SLC6A16: variants seen among roughly 807,000 people sequenced by gnomAD.
SLC6A16 encodes the protein orphan sodium- and chloride-dependent neurotransmitter transporter NTT5.
A neutral mutation model predicts 65.4 loss-of-function variants in SLC6A16; 54 were observed. The observed-to-expected ratio is 0.83, with a 90% CI of 0.66 to 1.04. SLC6A16 has a LOEUF of 1.04. Among genes scored for constraint, SLC6A16 ranks in the 50% least tolerant of loss-of-function variants. The pLI is 0.00. For synonymous variants in SLC6A16, 330 were observed against 346.5 expected, an observed-to-expected ratio of 0.95 and a Z score of 0.53; for missense variants, 816 against 914.0, an observed-to-expected ratio of 0.89 and a Z score of 1.38.
the SLC6A16 span, chr19:49,338,853 C>T: frequency 6.2e-7 from 1 of 1,614,172 alleles, no homozygotes; most frequent in Non-Finnish European, 8.5e-7. The surrounding 1 kb of genome is among the most constrained non-coding windows in gnomAD (Gnocchi z 5.0). Flanking sequence ...CTTGCCCCAG[C>T]TCAGCAGGCT....
chr19:49,311,704 C>T (rs1187732467), intron 1 of SLC6A16, among the ~76,000 whole-genome samples: 2 of 151,432 alleles, frequency 1.3e-5, no homozygotes, highest in African/African-American at 4.8e-5. Context: ...CAAAAATTAG[C>T]TGTGTATAGT....
chr19:49,328,842 T>C (rs1250605927), upstream of SLC6A16, among the ~76,000 whole-genome samples: 1 of 152,158 alleles, frequency 6.6e-6, no homozygotes, highest in Non-Finnish European at 1.5e-5. Flanking sequence ...CCAGTCACCA[T>C]ACGGTGAGGA....
the SLC6A16 span, chr19:49,340,064 T>G: frequency 7.9e-6 from 12 of 1,516,038 alleles, no homozygotes; most frequent in Non-Finnish European, 1.1e-5. Context: ...GTAGCAGCTA[T>G]TCCCGCCTCA....
chr19:49,331,869 C>T, the SLC6A16 span: 1 of 455,934 alleles, frequency 2.2e-6, no homozygotes, highest in Non-Finnish European at 4.4e-6. Context: ...AGCATCAAAG[C>T]TGCAGTGAGC....
intron 7 of SLC6A16, among the ~76,000 whole-genome samples, chr19:49,308,114 T>C (rs1040152642): frequency 8.6e-5 from 13 of 150,508 alleles, no homozygotes; most frequent in South Asian, 4.3e-4. Flanking sequence ...CCTTTTGGAG[T>C]TTCTGCTAGA....
chr19:49,300,753 G>A (rs2146095326), intron 7 of SLC6A16, among the ~76,000 whole-genome samples: 1 of 152,210 alleles, frequency 6.6e-6, no homozygotes, highest in East Asian at 1.9e-4. Context: ...AACTATCCTT[G>A]AACAACAATT....
Position 49,309,126 on chromosome 19 carries a change from G to A in SLC6A16, c.988-9C>T, listed in dbSNP as rs549532104. 3 of 1,613,736 alleles carry A rather than the reference G, an allele frequency of 1.9e-6. No individual in the cohort carries two copies. In the South Asian group the frequency reaches 3.3e-5, roughly 18 times the overall value. ...TTGTACACATCCGATATCTAAAAGA[G>A]AGAAGACAAGCATAAGGGGGTTGTA... On this transcript the variant is annotated splice_polypyrimidine_tract_variant and intron_variant, in intron 6 of 11. Coordinates refer to ENST00000335875, the MANE Select transcript of SLC6A16 (RefSeq NM_014037.3).
chr19:49,294,106 A>G (rs1970136592), intron 8 of SLC6A16, 78 bp from the exon 9 acceptor site: 5 of 1,271,012 alleles, frequency 3.9e-6, no homozygotes, highest in Non-Finnish European at 5.5e-6. Flanking sequence ...TATACATTCT[A>G]TCTTCCCTGG....
chr19:49,335,073 G>C, the SLC6A16 span: 2 of 161,356 alleles, frequency 1.2e-5, no homozygotes, highest in Non-Finnish European at 2.7e-5. This position sits in a 1 kb window ranked among gnomAD's most constrained non-coding sequence, Gnocchi z 4.6. Flanking sequence ...CAGGAAATGG[G>C]AGACACAGCT....
the SLC6A16 span, chr19:49,339,946 G>A: frequency 1.5e-5 from 21 of 1,392,774 alleles, no homozygotes; most frequent in African/African-American, 2.9e-4. This position sits in a 1 kb window ranked among gnomAD's most constrained non-coding sequence, Gnocchi z 4.5. Flanking sequence ...AGAATTAGAG[G>A]AGGCACAATT....
chr19:49,299,602 GA>G (rs770862202), intron 7 of SLC6A16, among the ~76,000 whole-genome samples: 5,268 of 115,236 alleles, frequency 0.046, 281 homozygotes, highest in African/African-American at 0.14. Flanking sequence ...AATGTGCTAG[GA>G]AAAAAAAAAA....
chr19:49,339,257 C>G, the SLC6A16 span: 7,241 of 1,371,194 alleles, frequency 5.3e-3, 153 homozygotes, highest in African/African-American at 0.057. The surrounding 1 kb of genome is among the most constrained non-coding windows in gnomAD (Gnocchi z 4.5). Flanking sequence ...TGAGGGTTGG[C>G]CTGAAAAGAA....
At position 49,325,133 on chromosome 19, in the gene SLC6A16, C is replaced by T; in HGVS notation, c.-150G>A. On this transcript the variant is annotated 5_prime_UTR_variant, in exon 1 of 12. Coordinates refer to ENST00000335875, the MANE Select transcript of SLC6A16 (RefSeq NM_014037.3). ...AAGAAGCCCCAGCTGAGAAGCCTAGCAATCTCCTCAGGCCCCTTCAGGCGT... is the reference window on the plus strand; with the variant it reads ...AAGAAGCCCCAGCTGAGAAGCCTAGTAATCTCCTCAGGCCCCTTCAGGCGT... 1 of 985,594 alleles carries T rather than the reference C, an allele frequency of 1.0e-6. No homozygotes were observed. Among genetic ancestry groups the T allele is most frequent in the Non-Finnish European group, 1.2e-6 (1 of 830,016 alleles). The allele number at this position is 985,594 out of a possible 1,614,324, so 61.1% of individuals were successfully genotyped here.
At chr19:49,337,939 G>A in the SLC6A16 span, 2 of 1,613,994 alleles carry the variant, frequency 1.2e-6, no homozygotes, top group African/African-American at 2.7e-5. Context: ...AGCGAAGCTT[G>A]CGGGACGTCG....
At chr19:49,293,804 G>A in intron 9 of SLC6A16, 23 bp downstream of exon 9, 1 of 1,604,492 alleles carries the variant, frequency 6.2e-7, no homozygotes, top group Non-Finnish European at 8.5e-7. Context: ...TCATTGTTAG[G>A]AGTAGGGCCT....
chr19:49,332,535 G>A, the SLC6A16 span, among the ~76,000 whole-genome samples: 1 of 152,072 alleles, frequency 6.6e-6, no homozygotes, highest in Admixed American at 6.6e-5. Flanking sequence ...TCCAGCCTGG[G>A]TGACAGAGCG....
rs143231114 is a variant in SLC6A16, at chr19:49,304,249, G to T, written c.1229+4627C>A. Among the ~76,000 whole-genome samples, 9 of 152,190 alleles carry T rather than the reference G, an allele frequency of 5.9e-5. No homozygotes were observed. The East Asian group carries it at 1.7e-3, about 29-fold the overall frequency. On this transcript the variant is annotated intron_variant, in intron 7 of 11. Transcript: ENST00000335875. ...ATTGAGTCAAGGAAGGCCATAAAGAGAGGGTTCTCACACTTGTATGTCTGA... is the reference window on the plus strand; with the variant it reads ...ATTGAGTCAAGGAAGGCCATAAAGATAGGGTTCTCACACTTGTATGTCTGA...
intron 7 of SLC6A16, among the ~76,000 whole-genome samples, chr19:49,296,265 G>T (rs1970184628): frequency 6.6e-6 from 1 of 152,176 alleles, no homozygotes; most frequent in African/African-American, 2.4e-5. Flanking sequence ...GGGATTACAG[G>T]CATGAACCAC....
chr19:49,339,347 C>G, the SLC6A16 span: 1 of 1,613,882 alleles, frequency 6.2e-7, no homozygotes. The surrounding 1 kb of genome is among the most constrained non-coding windows in gnomAD (Gnocchi z 4.5). Flanking sequence ...CGCAGGGCCT[C>G]CAGAAGTGGC....
Sources: allele counts gnomAD v4.1 joint callset (sites outside exome capture counted in the v4.1 genomes callset), GRCh38; gene constraint gnomAD v4.1.1; non-coding constraint Gnocchi (gnomAD v3.1); transcripts MANE v1.5; gene names NCBI Gene and HGNC (gene_info 2026-07-23, HGNC 2026-07-21).